EEA1: variants seen among roughly 807,000 people sequenced by gnomAD.
EEA1 encodes early endosome antigen 1, 162kD.
A neutral mutation model predicts 209.2 loss-of-function variants in EEA1; 111 were observed. The ratio of observed to expected loss-of-function variants is 0.53; its 90% CI spans 0.45 to 0.62. The LOEUF is 0.62. Ranked by LOEUF, EEA1 falls within the 20% of genes least tolerant of loss-of-function variation. The pLI is 0.00. For synonymous variants in EEA1, 536 were observed against 540.6 expected, an observed-to-expected ratio of 0.99 and a Z score of 0.12; for missense variants, 1,343 against 1,530.8, an observed-to-expected ratio of 0.88 and a Z score of 2.05.
chr12:92,901,321 G>C (rs1880132006), intron 1 of EEA1, among the ~76,000 whole-genome samples: 1 of 152,026 alleles, frequency 6.6e-6, no homozygotes, highest in Admixed American at 6.6e-5. Flanking sequence ...CAAAGTGCTG[G>C]GATTACAGGT....
At chr12:92,781,214 G>A (rs564113650) in intron 23 of EEA1, among the ~76,000 whole-genome samples, 20 of 152,154 alleles carry the variant, frequency 1.3e-4, no homozygotes, top group Non-Finnish European at 2.5e-4. Flanking sequence ...CTGGCCTTAT[G>A]AACAAGAGTT....
At chr12:92,831,087 A>G (rs1876606052) in intron 11 of EEA1, among the ~76,000 whole-genome samples, 1 of 152,220 alleles carries the variant, frequency 6.6e-6, no homozygotes, top group Non-Finnish European at 1.5e-5. Context: ...AATTTCTGAA[A>G]CATAACTGAA....
intron 5 of EEA1, among the ~76,000 whole-genome samples, chr12:92,856,767 C>CTTTTTTTT (rs57579359): frequency 3.1e-4 from 27 of 86,662 alleles, no homozygotes; most frequent in East Asian, 7.1e-4. Context: ...ATACCTGATT[C>CTTTTTTTT]TTTTTTTTTT....
At chr12:92,822,709 T>C (rs1277550261) in intron 13 of EEA1, among the ~76,000 whole-genome samples, 3 of 152,210 alleles carry the variant, frequency 2.0e-5, no homozygotes, top group Non-Finnish European at 4.4e-5. Flanking sequence ...CTATGCTCTC[T>C]CTTCTGGCTG....
intron 21 of EEA1, among the ~76,000 whole-genome samples, chr12:92,789,005 A>T (rs1318775777): frequency 6.6e-6 from 1 of 152,062 alleles, no homozygotes; most frequent in Non-Finnish European, 1.5e-5. Context: ...GAAGATCTCA[A>T]CTAGGCCGGG....
At chr12:92,841,614 C>T (rs149223196) in intron 10 of EEA1, among the ~76,000 whole-genome samples, 2 of 152,146 alleles carry the variant, frequency 1.3e-5, no homozygotes, top group Non-Finnish European at 2.9e-5. Flanking sequence ...GGCCAGCAAG[C>T]ACATTAAAAA....
intron 10 of EEA1, among the ~76,000 whole-genome samples, chr12:92,840,591 C>T (rs541251992): frequency 1.2e-4 from 18 of 152,312 alleles, no homozygotes; most frequent in Non-Finnish European, 2.1e-4. Flanking sequence ...GGATTACAGG[C>T]GTGAGCCACC....
intron 21 of EEA1, among the ~76,000 whole-genome samples, chr12:92,796,151 G>T: frequency 1.3e-5 from 2 of 150,590 alleles, no homozygotes; most frequent in Non-Finnish European, 1.5e-5. Context: ...GTTTTCTTTT[G>T]CTTTACATTT....
At position 92,864,879 on chromosome 12, in the gene EEA1, A is replaced by G. The variant is rs767145047; in HGVS notation, c.226T>C (p.Ser76Pro). The stretch of plus-strand genomic sequence containing the variant: ...CCGTACCGCTTCAAAGCAAGATTAG[A>G]CTCTCCTCCATGACCTGAGTCATTA... ...AGNDSGHGGE[S>P]NLALKRDDVT... Residue 76 changes from serine to proline, a missense_variant, in exon 3 of 29, where the codon TCT becomes CCT. Ser to Pro is a moderately conservative substitution (Grantham distance 74). Around this residue, in one of 3 missense-constraint regions of EEA1, gnomAD observed 1,307 missense variants for 1,465.5 expected, o/e 0.89. Transcript: ENST00000322349. 1.4e-5 allele frequency: 22 copies of G among 1,603,848 alleles called. No homozygotes were observed. The highest frequency in any genetic ancestry group is 1.9e-5 in the Non-Finnish European group (22 of 1,176,070).
chr12:92,795,275 A>C (rs1310427189), intron 21 of EEA1, among the ~76,000 whole-genome samples: 3 of 152,200 alleles, frequency 2.0e-5, no homozygotes, highest in East Asian at 3.8e-4. Flanking sequence ...AAATACCAAC[A>C]TCAACTCAAA....
chr12:92,886,630 G>GCC (rs1879415236), intron 2 of EEA1, among the ~76,000 whole-genome samples: 1 of 114,958 alleles, frequency 8.7e-6, no homozygotes, highest in Non-Finnish European at 1.8e-5. Flanking sequence ...AGAGAGGAGG[G>GCC]GAGGGGGAAG....
At chr12:92,883,213 G>A (rs190596728) in intron 2 of EEA1, among the ~76,000 whole-genome samples, 5 of 152,286 alleles carry the variant, frequency 3.3e-5, no homozygotes, top group Admixed American at 3.3e-4. Context: ...TATGTCTTCT[G>A]AGAAGTGTCT....
At chr12:92,907,747 CT>C (rs1201498461) in intron 1 of EEA1, among the ~76,000 whole-genome samples, 2 of 152,298 alleles carry the variant, frequency 1.3e-5, no homozygotes, top group East Asian at 3.9e-4. Context: ...GTTTACTTTC[CT>C]CACTATGTTC....
intron 3 of EEA1, chr12:92,857,984 T>C: frequency 6.3e-6 from 2 of 316,938 alleles, no homozygotes. Context: ...TACTGCGCAC[T>C]GAGTAGAATG....
At chr12:92,816,084 T>C (rs1349129448) in intron 15 of EEA1, 116 bp downstream of exon 15, 1 of 916,026 alleles carries the variant, frequency 1.1e-6, no homozygotes, top group Non-Finnish European at 1.6e-6. Flanking sequence ...CTTTATCTAA[T>C]TCTTATTTCA....
chr12:92,816,818 TAATAAG>T (rs1875811178), intron 14 of EEA1, among the ~76,000 whole-genome samples: 460 of 146,994 alleles, frequency 3.1e-3, no homozygotes, highest in African/African-American at 0.012. Flanking sequence ...TTTGGTTAAG[TAATAAG>T]TTTTCTTTAT....
intron 21 of EEA1, among the ~76,000 whole-genome samples, chr12:92,793,447 A>T (rs951280007): frequency 2.6e-5 from 4 of 152,220 alleles, no homozygotes; most frequent in Admixed American, 1.3e-4. Context: ...AGGATACAAA[A>T]TCAATGTGCA....
At chr12:92,880,975 C>G (rs1227094086) in intron 2 of EEA1, among the ~76,000 whole-genome samples, 1 of 152,152 alleles carries the variant, frequency 6.6e-6, no homozygotes, top group Non-Finnish European at 1.5e-5. Context: ...AGTTCTTTGC[C>G]TCATATATTC....
rs144706608 is a variant in EEA1, at chr12:92,835,164, A to G, written c.916-2314T>C. 8.0e-3 allele frequency among the ~76,000 whole-genome samples: 1,212 copies of G among 152,138 alleles called. 26 individuals are homozygous for G. The highest frequency in any genetic ancestry group is 0.027 in the African/African-American group (1,116 of 41,510). ...CCAAAGTGCTGGGATTATAGGCCTGAGCCACCGCGCCTGGCCAGCTATAAA... is the reference window on the plus strand; with the variant it reads ...CCAAAGTGCTGGGATTATAGGCCTGGGCCACCGCGCCTGGCCAGCTATAAA... On this transcript the variant is annotated intron_variant, in intron 10 of 28. Coordinates refer to ENST00000322349, the MANE Select transcript of EEA1 (RefSeq NM_003566.4).
Sources: allele counts gnomAD v4.1 joint callset (sites outside exome capture counted in the v4.1 genomes callset), GRCh38; gene constraint gnomAD v4.1.1; regional missense constraint gnomAD v4.1.1; transcripts MANE v1.5; gene names NCBI Gene and HGNC (gene_info 2026-07-23, HGNC 2026-07-21).